Variants in PACRG observed in about 807,000 individuals in gnomAD.
PACRG encodes the protein parkin coregulated, also known as parkin coregulated gene protein.
A neutral mutation model predicts 29.7 loss-of-function variants in PACRG; 29 were observed. The observed-to-expected ratio is 0.98, with a 90% confidence interval of 0.73 to 1.33. PACRG has a LOEUF of 1.33. PACRG is among the 40% of genes most tolerant of loss of function. The probability of loss-of-function intolerance (pLI) is 0.00; values close to 1 mark genes in which losing one functional copy is unlikely to be tolerated. For missense variants in PACRG, 279 were observed against 316.2 expected (o/e 0.88, Z 0.89); for synonymous variants, 116 against 118.7 (o/e 0.98, Z 0.15).
chr6:162,937,270 G>A (rs73605890), intron 2 of PACRG, among the ~76,000 whole-genome samples: 2,087 of 152,278 alleles, frequency 0.014, 52 homozygotes, highest in African/African-American at 0.049. Context: ...TAACTTTAAT[G>A]AATTAACCTG....
chr6:162,899,618 T>C (rs939483311), intron 2 of PACRG, among the ~76,000 whole-genome samples: 2 of 152,076 alleles, frequency 1.3e-5, no homozygotes, highest in African/African-American at 4.8e-5. Context: ...GTAAGGAAGG[T>C]CTTCCTCCCA....
intron 4 of PACRG, among the ~76,000 whole-genome samples, chr6:163,131,104 G>C (rs1269477020): frequency 6.6e-6 from 1 of 151,970 alleles, no homozygotes; most frequent in African/African-American, 2.4e-5. Context: ...TCAGGAGATC[G>C]AGACCATCCT....
At chr6:163,077,139 G>C (rs2764012) in intron 3 of PACRG, among the ~76,000 whole-genome samples, 1 of 152,000 alleles carries the variant, frequency 6.6e-6, no homozygotes. Context: ...TGAAACAACA[G>C]ATGAAGGGTA....
At chr6:162,858,586 A>T (rs1221140459) in intron 2 of PACRG, among the ~76,000 whole-genome samples, 5 of 152,194 alleles carry the variant, frequency 3.3e-5, no homozygotes, top group Non-Finnish European at 7.4e-5. Context: ...CATCACATTT[A>T]TTTAATAGAG....
intron 2 of PACRG, among the ~76,000 whole-genome samples, chr6:163,050,714 A>G (rs1417779450): frequency 6.6e-6 from 1 of 152,084 alleles, no homozygotes; most frequent in Non-Finnish European, 1.5e-5. Flanking sequence ...AACATTTTTT[A>G]CCCTTTTCTC....
chr6:162,966,770 C>G (rs1407301823), intron 2 of PACRG, among the ~76,000 whole-genome samples: 1 of 152,070 alleles, frequency 6.6e-6, no homozygotes, highest in African/African-American at 2.4e-5. Flanking sequence ...GCCCCCGCAC[C>G]CGGCCCCGAC....
At chr6:163,066,905 A>G (rs1811594351) in intron 3 of PACRG, among the ~76,000 whole-genome samples, 1 of 152,262 alleles carries the variant, frequency 6.6e-6, no homozygotes, top group Non-Finnish European at 1.5e-5. Context: ...AAAGAGGATC[A>G]ATTTATAATG....
Position 163,287,028 on chromosome 6 carries a change from G to A in PACRG, c.614-27799G>A, listed in dbSNP as rs192680576. Among the ~76,000 whole-genome samples the A allele has an allele frequency of 1.1e-3, 159 of 151,242 alleles. 1 individual carries two copies. Among genetic ancestry groups the A allele is most frequent in the African/African-American group, 3.4e-3 (142 of 41,326 alleles). ...TACATATGTGAATGTGTGTATGTGC[G>A]TGTGTGTGTGTGTGTCTTCCCTCAA... On this transcript the variant is annotated intron_variant, in intron 4 of 4. Coordinates refer to ENST00000366888, the MANE Select transcript of PACRG (RefSeq NM_001080379.2).
At chr6:162,880,028 T>C (rs1023574600) in intron 2 of PACRG, among the ~76,000 whole-genome samples, 1 of 152,138 alleles carries the variant, frequency 6.6e-6, no homozygotes, top group Non-Finnish European at 1.5e-5. Flanking sequence ...AAACCACACC[T>C]TGGAACCAGA....
At chr6:163,199,941 A>G (rs2128148865) in intron 4 of PACRG, among the ~76,000 whole-genome samples, 1 of 152,332 alleles carries the variant, frequency 6.6e-6, no homozygotes, top group Non-Finnish European at 1.5e-5. Flanking sequence ...TATCTCTATC[A>G]CTGCCTAGAG....
At chr6:163,035,929 C>T (rs764743426) in intron 2 of PACRG, among the ~76,000 whole-genome samples, 9 of 151,712 alleles carry the variant, frequency 5.9e-5, no homozygotes, top group Non-Finnish European at 1.3e-4. Flanking sequence ...CTGGTTCAAA[C>T]GCCTCTGACA....
intron 4 of PACRG, among the ~76,000 whole-genome samples, chr6:163,139,592 G>A (rs1275383283): frequency 6.6e-6 from 1 of 152,188 alleles, no homozygotes; most frequent in African/African-American, 2.4e-5. Context: ...AAAAAAAAGA[G>A]AAAGCTTTTA....
chr6:163,283,309 C>G (rs945727948), intron 4 of PACRG, among the ~76,000 whole-genome samples: 3 of 152,074 alleles, frequency 2.0e-5, no homozygotes, highest in African/African-American at 7.2e-5. Flanking sequence ...GCGCTTAACT[C>G]GAAGATGTGG....
chr6:163,037,605 G>T (rs1308642035), intron 2 of PACRG, among the ~76,000 whole-genome samples: 2 of 152,208 alleles, frequency 1.3e-5, no homozygotes, highest in Non-Finnish European at 2.9e-5. Context: ...GCTGTGACCT[G>T]AAACTTCTTC....
chr6:163,205,102 T>C (rs574536409), intron 4 of PACRG, among the ~76,000 whole-genome samples: 39 of 152,352 alleles, frequency 2.6e-4, no homozygotes, highest in African/African-American at 9.4e-4. Flanking sequence ...TTCATGCTTA[T>C]GGATAGAAGA....
chr6:163,074,709 G>A (rs940681112), intron 3 of PACRG, among the ~76,000 whole-genome samples: 8 of 151,888 alleles, frequency 5.3e-5, no homozygotes, highest in Admixed American at 5.2e-4. Flanking sequence ...AAAAAATAAA[G>A]CAAAAATAAA....
At chr6:163,224,514 A>T (rs1781711878) in intron 4 of PACRG, among the ~76,000 whole-genome samples, 1 of 152,080 alleles carries the variant, frequency 6.6e-6, no homozygotes, top group African/African-American at 2.4e-5. Flanking sequence ...CAGAATAGAG[A>T]GGCCAAAAAT....
intron 2 of PACRG, among the ~76,000 whole-genome samples, chr6:162,981,305 A>ATATATATATTTTTTTTTTTTT (rs925663285): frequency 1.3e-5 from 2 of 149,130 alleles, no homozygotes; most frequent in African/African-American, 5.0e-5. Context: ...ATATATATAT[A>ATATATATATTTTTTTTTTTTT]TTTACAATGG....
Position 162,947,359 on chromosome 6 carries a change from A to ATATCATAT in PACRG, c.292-114791_292-114790insTATCATAT, listed in dbSNP as rs376521730. On this transcript the variant is annotated intron_variant, in intron 2 of 4. Transcript: ENST00000366888. Reference sequence around the variant, plus strand: ...ATATATATAATGATTACATATATATAATGTAATCATATATAATCATATATA... The same window carrying ATATCATAT: ...ATATATATAATGATTACATATATATATATCATATATGTAATCATATATAATCATATATA... 2.3e-3 allele frequency among the ~76,000 whole-genome samples: 83 copies of ATATCATAT among 36,640 alleles called. 5 individuals are homozygous for ATATCATAT. Among genetic ancestry groups the ATATCATAT allele is most frequent in the African/African-American group, 8.4e-3 (82 of 9,706 alleles). The allele number at this position is 36,640 out of a possible 152,430, so 24.0% of individuals were successfully genotyped here.
Sources: gnomAD v4.1 joint callset for allele counts (sites outside exome capture counted in the v4.1 genomes callset) on GRCh38, gnomAD v4.1.1 for gene constraint, MANE v1.5 for transcripts, NCBI Gene and HGNC (gene_info 2026-07-23, HGNC 2026-07-21) for gene names.